Variants in TCFL5 observed in about 807,000 individuals in gnomAD.
The protein encoded by TCFL5 is transcription factor like 5.
TCFL5 carries 9 observed loss-of-function variants against 44.3 expected under a neutral mutation model. The ratio of observed to expected loss-of-function variants is 0.20; its 90% CI spans 0.12 to 0.35. The LOEUF (loss-of-function observed/expected upper bound fraction) is 0.35, where lower values mean the gene tolerates loss of function less well. Ranked by LOEUF, TCFL5 falls within the 10% of genes least tolerant of loss-of-function variation. The pLI, the probability that TCFL5 is intolerant of heterozygous loss-of-function variation, is 1.00. For missense variants in TCFL5, 603 were observed against 613.4 expected (o/e 0.98, Z 0.18); for synonymous variants, 319 against 271.6 (o/e 1.17, Z -1.72).
intron 5 of TCFL5, chr20:62,852,490 C>G (rs1196848104): frequency 2.0e-6 from 2 of 985,380 alleles, no homozygotes; most frequent in African/African-American, 3.5e-5. Flanking sequence ...CTCCTGCATT[C>G]AAATCACACG....
chr20:62,854,935 A>G (rs1476265717), intron 4 of TCFL5, among the ~76,000 whole-genome samples: 1 of 152,176 alleles, frequency 6.6e-6, no homozygotes, highest in East Asian at 1.9e-4. Flanking sequence ...CACTCTTTAC[A>G]CATCAGCTCA....
Position 62,855,865 on chromosome 20 carries a change from T to C in TCFL5, c.1238+1530A>G, listed in dbSNP as rs957883634. ...ATTTGTCTCACTCACTGTTATTTAT[T>C]TCCTGAACTTAAAGCAGAAACTGGT... On this transcript the variant is annotated intron_variant, in intron 4 of 5. Coordinates refer to ENST00000335351, the MANE Select transcript of TCFL5 (RefSeq NM_006602.4). 2.6e-5 allele frequency among the ~76,000 whole-genome samples: 4 copies of C among 152,166 alleles called. No homozygotes were observed. The East Asian group carries it at 7.7e-4, about 29-fold the overall frequency.
At chr20:62,858,567 C>A (rs2063932257) in intron 3 of TCFL5, among the ~76,000 whole-genome samples, 1 of 152,244 alleles carries the variant, frequency 6.6e-6, no homozygotes, top group Non-Finnish European at 1.5e-5. Context: ...TCTTGGAAAG[C>A]TAAGTGTAAG....
chr20:62,851,841 GCT>G, intron 5 of TCFL5: 1 of 984,110 alleles, frequency 1.0e-6, no homozygotes, highest in Non-Finnish European at 1.2e-6. Flanking sequence ...ATGGAGTCTC[GCT>G]CTGTCACCCA....
intron 5 of TCFL5, chr20:62,853,005 C>A: frequency 7.8e-7 from 1 of 1,282,328 alleles, no homozygotes; most frequent in Non-Finnish European, 1.0e-6. Flanking sequence ...TCACCCAGTC[C>A]GCAGAAGTAT....
chr20:62,846,201 A>C, intron 5 of TCFL5: 2 of 915,602 alleles, frequency 2.2e-6, no homozygotes, highest in Non-Finnish European at 3.0e-6. Flanking sequence ...GAAAATAATC[A>C]TCCTCAGACA....
At chr20:62,844,232 G>A (rs2063710699) in intron 5 of TCFL5, among the ~76,000 whole-genome samples, 1 of 152,160 alleles carries the variant, frequency 6.6e-6, no homozygotes, top group Admixed American at 6.5e-5. Context: ...GCCAACACTT[G>A]CTATTTTGCT....
At chr20:62,843,167 A>G (rs1308532493) in intron 5 of TCFL5, among the ~76,000 whole-genome samples, 1 of 152,206 alleles carries the variant, frequency 6.6e-6, no homozygotes, top group South Asian at 2.1e-4. Flanking sequence ...GGAAGGGGGA[A>G]CTATTACGGG....
chr20:62,844,744 T>C (rs2063720795), intron 5 of TCFL5: 2 of 344,870 alleles, frequency 5.8e-6, no homozygotes, highest in South Asian at 2.3e-4. Flanking sequence ...TACAGGCACC[T>C]GCCACCACAC....
At position 62,857,484 on chromosome 20, in the gene TCFL5, C is replaced by G; in HGVS notation, c.1149G>C (p.Gln383His). ...QGAWQSSESS[Q>H]ANLGEQAQSG... ...TCTGGGCCTGCTCCCCCAGGTTTGC[C>G]TGTGAGGACTCCGAGGACTGCCAAG... Residue 383 changes from glutamine (Q) to histidine (H), a missense_variant, in exon 4 of 6, where the codon CAG becomes CAC. By Grantham distance (24) the Gln-to-His change is conservative. This residue lies in a region of TCFL5 where 540 missense variants were observed against 478.7 expected (regional missense o/e 1.13). Coordinates refer to ENST00000335351, the MANE Select transcript of TCFL5 (RefSeq NM_006602.4). 1 of 1,614,252 alleles carries G rather than the reference C, an allele frequency of 6.2e-7. No individual in the cohort carries two copies. Among genetic ancestry groups the G allele is most frequent in the Non-Finnish European group, 8.5e-7 (1 of 1,180,050 alleles).
intron 5 of TCFL5, chr20:62,845,347 T>C (rs1029135616): frequency 5.8e-5 from 64 of 1,100,664 alleles, no homozygotes; most frequent in Admixed American, 1.4e-4. Flanking sequence ...GGTCTCGAAC[T>C]CCTGACCTCA....
intron 2 of TCFL5, 46 bp from the exon 3 acceptor site, chr20:62,859,572 C>T (rs752680988): frequency 6.4e-7 from 1 of 1,565,644 alleles, no homozygotes; most frequent in South Asian, 1.2e-5. Flanking sequence ...ATGTGGCTTA[C>T]TCTCCTCTTT....
At chr20:62,848,337 C>G (rs1039326217) in intron 5 of TCFL5, among the ~76,000 whole-genome samples, 1 of 152,212 alleles carries the variant, frequency 6.6e-6, no homozygotes, top group Admixed American at 6.5e-5. Flanking sequence ...GACGCCATCC[C>G]GACTGGGGAA....
In TCFL5 at chr20:62,841,803, T is replaced by C. The variant is rs901093413; in HGVS notation, c.*172A>G. On this transcript the variant is annotated 3_prime_UTR_variant, in exon 6 of 6. Transcript: ENST00000335351. ...ACATTCATGGATAAGCATTTGCGTC[T>C]AGATAAATATTTTTACAAAATGTGC... is the stretch of plus-strand genomic sequence containing the variant. The C allele has an allele frequency of 1.1e-5, 8 of 709,418 alleles. No homozygotes were observed. The highest frequency in any genetic ancestry group is 3.0e-5 in the South Asian group (1 of 33,750). 43.9% of individuals were successfully genotyped at this position (709,418 alleles called of 1,614,324 possible). A position where few individuals can be genotyped will look rare whatever the true frequency, so the allele number is the denominator to read the frequency against.
intron 5 of TCFL5, among the ~76,000 whole-genome samples, chr20:62,850,286 G>A (rs747200465): frequency 4.6e-5 from 7 of 152,044 alleles, no homozygotes; most frequent in Non-Finnish European, 8.8e-5. Context: ...ACTAGAAAAC[G>A]AACAGAAGTG....
At chr20:62,857,138 G>A (rs143979789) in intron 4 of TCFL5, among the ~76,000 whole-genome samples, 8 of 152,150 alleles carry the variant, frequency 5.3e-5, no homozygotes, top group Non-Finnish European at 7.3e-5. Flanking sequence ...TTTGCTGATC[G>A]CACCTGGCAT....
Position 62,861,494 on chromosome 20 carries a change from G to A in TCFL5, c.177C>T (p.His59=), listed in dbSNP as rs1434861636. 1 of 1,200,512 alleles carries A rather than the reference G, an allele frequency of 8.3e-7. No individual in the cohort carries two copies. The highest frequency in any genetic ancestry group is 2.8e-5 in the South Asian group (1 of 35,634). The allele number at this position is 1,200,512 out of a possible 1,614,324, so 74.4% of individuals were successfully genotyped here. The change falls in exon 1 of 6, where the codon CAC becomes CAT. Residue 59 remains histidine, a synonymous_variant. Transcript: ENST00000335351. This position sits in a 1 kb window ranked among gnomAD's most constrained non-coding sequence, Gnocchi z 4.0. ...MTEVEYTQLQ[H]ILCSHMEAAA... ...CCGCCTCCATGTGCGAGCAGAGGAT[G>A]TGCTGCAGCTGCGTGTACTCCACCT...
intron 3 of TCFL5, 109 bp downstream of exon 3, chr20:62,859,255 T>C: frequency 9.2e-7 from 1 of 1,089,812 alleles, no homozygotes; most frequent in Non-Finnish European, 1.3e-6. Context: ...CAAGACTGTT[T>C]CACATGTGTA....
In TCFL5 at chr20:62,842,159, A is replaced by G. The variant is rs1440830052; in HGVS notation, c.1381-62T>C. The G allele has an allele frequency of 2.5e-6, 4 of 1,600,896 alleles. No homozygotes were observed. Among genetic ancestry groups the G allele is most frequent in the Non-Finnish European group, 3.4e-6 (4 of 1,172,714 alleles). ...ACTGACATGAAAACTGCTGTCTTCCAAAGTGCAAAAGGTTCAAATTAAGAG... is the reference window on the plus strand; with the variant it reads ...ACTGACATGAAAACTGCTGTCTTCCGAAGTGCAAAAGGTTCAAATTAAGAG... On this transcript the variant is annotated intron_variant, in intron 5 of 5. Coordinates refer to ENST00000335351, the MANE Select transcript of TCFL5 (RefSeq NM_006602.4). The surrounding 1 kb of genome is among the most constrained non-coding windows in gnomAD (Gnocchi z 4.3).
Sources: allele counts gnomAD v4.1 joint callset (sites outside exome capture counted in the v4.1 genomes callset), GRCh38; gene constraint gnomAD v4.1.1; regional missense constraint gnomAD v4.1.1; non-coding constraint Gnocchi (gnomAD v3.1); transcripts MANE v1.5; gene names NCBI Gene and HGNC (gene_info 2026-07-23, HGNC 2026-07-21).